KANSL1L: variants seen among roughly 807,000 people sequenced by gnomAD.
KANSL1L encodes KAT8 regulatory NSL complex subunit 1-like protein.
Under a neutral mutation model 108.6 loss-of-function variants are expected in KANSL1L, and 25 were observed. That is an observed-to-expected ratio of 0.23 (90% CI 0.17 to 0.32). The LOEUF is 0.32. Among genes scored for constraint, KANSL1L ranks in the 10% least tolerant of loss-of-function variants. The probability of loss-of-function intolerance (pLI) is 1.00; values close to 1 mark genes in which losing one functional copy is unlikely to be tolerated. For missense variants in KANSL1L, 1,137 were observed against 1,125.7 expected, an observed-to-expected ratio of 1.01 and a Z score of -0.14; for synonymous variants, 405 against 395.1, an observed-to-expected ratio of 1.03 and a Z score of -0.30.
In KANSL1L at chr2:210,150,342, T is replaced by A. The variant is rs573640978; in HGVS notation, c.1088+3153A>T. The stretch of plus-strand genomic sequence containing the variant: ...AGGTACGTTATTTAGTAAAAAAAAA[T>A]TTTTTTTCTATCATTTGAATTTCAC... On this transcript the variant is annotated intron_variant, in intron 2 of 14. Transcript: ENST00000281772. Among the ~76,000 whole-genome samples the A allele has an allele frequency of 7.2e-5, 11 of 152,018 alleles. No individual in the cohort carries two copies. The East Asian group carries it at 9.6e-4, about 13-fold the overall frequency.
At position 210,154,222 on chromosome 2, in the gene KANSL1L, G is replaced by C; in HGVS notation, c.361C>G (p.Leu121Val). The change falls in exon 2 of 15, where the codon CTC (leucine) becomes GTC (valine). Residue 121 changes from leucine to valine, a missense_variant. Physicochemically the swap from Leu to Val is conservative, Grantham distance 32 (BLOSUM62 1). Transcript: ENST00000281772. ...GAATGAGAAAGACAGATTTTACTGA[G>C]CTGAATGTTGCTGCCATTATACAGT... ...NILYNGSNIQ[L>V]SKICLSHSEE... The C allele has an allele frequency of 1.9e-6, 3 of 1,613,998 alleles. No individual in the cohort carries two copies. Among genetic ancestry groups the C allele is most frequent in the Non-Finnish European group, 2.5e-6 (3 of 1,179,996 alleles).
intron 5 of KANSL1L, among the ~76,000 whole-genome samples, chr2:210,086,631 G>A (rs2125368354): frequency 6.6e-6 from 1 of 152,162 alleles, no homozygotes; most frequent in South Asian, 2.1e-4. Context: ...TAAATGCACT[G>A]TGAGGACAGA....
chr2:210,118,547 C>T (rs1215234028), intron 3 of KANSL1L, among the ~76,000 whole-genome samples: 1 of 150,408 alleles, frequency 6.6e-6, no homozygotes, highest in African/African-American at 2.4e-5. Context: ...GATTAAATCA[C>T]TAATAAGTCT....
intron 3 of KANSL1L, among the ~76,000 whole-genome samples, chr2:210,120,568 T>C (rs1377761684): frequency 1.3e-5 from 2 of 151,990 alleles, no homozygotes; most frequent in South Asian, 4.2e-4. Context: ...AGCAATACCA[T>C]CCAGGACATA....
intron 5 of KANSL1L, among the ~76,000 whole-genome samples, chr2:210,076,563 A>T (rs1044993788): frequency 2.0e-5 from 3 of 152,094 alleles, no homozygotes; most frequent in African/African-American, 7.2e-5. Flanking sequence ...ACCCTACTAC[A>T]TTTTAGCATT....
At chr2:210,160,830 C>A (rs971313710) in intron 1 of KANSL1L, among the ~76,000 whole-genome samples, 3 of 151,914 alleles carry the variant, frequency 2.0e-5, no homozygotes, top group African/African-American at 7.3e-5. Context: ...GTTAAAGGAA[C>A]CAGAATAGCC....
chr2:210,027,481 T>G lies in KANSL1L; in HGVS notation c.2397-131A>C. 3 of 619,626 alleles carry G rather than the reference T, an allele frequency of 4.8e-6. No individual in the cohort carries two copies. In the South Asian group the frequency reaches 6.3e-5, roughly 13 times the overall value. The allele number at this position is 619,626 out of a possible 1,614,324, so 38.4% of individuals were successfully genotyped here. On this transcript the variant is annotated intron_variant, in intron 11 of 14. Coordinates refer to ENST00000281772, the MANE Select transcript of KANSL1L (RefSeq NM_152519.4). ...GTTCAAATTGTTGTATTTTAATACTTAATTTTTTAAAAGAAAAACATTTGT... is the reference window on the plus strand; with the variant it reads ...GTTCAAATTGTTGTATTTTAATACTGAATTTTTTAAAAGAAAAACATTTGT...
chr2:210,051,049 G>C (rs1037414208), intron 6 of KANSL1L, among the ~76,000 whole-genome samples: 4 of 152,004 alleles, frequency 2.6e-5, no homozygotes, highest in South Asian at 4.1e-4. Context: ...AGTGTGCATG[G>C]AATGTACATG....
intron 3 of KANSL1L, among the ~76,000 whole-genome samples, chr2:210,126,594 C>CA (rs1259466098): frequency 7.9e-5 from 12 of 152,272 alleles, no homozygotes; most frequent in African/African-American, 2.9e-4. Flanking sequence ...GCAGGCAGAT[C>CA]ACTCTGAGGC....
intron 5 of KANSL1L, among the ~76,000 whole-genome samples, chr2:210,082,810 T>A (rs1156371746): frequency 6.6e-6 from 1 of 152,136 alleles, no homozygotes; most frequent in Non-Finnish European, 1.5e-5. Flanking sequence ...AGAAATAAAC[T>A]CTGAAGAAAA....
Position 210,162,222 on chromosome 2 carries a change from GTATA to G in KANSL1L, c.-29-7615_-29-7612del, listed in dbSNP as rs71043976. ...ATTACCCCCAAATTTAGTGGTTCAG[GTATA>G]TATATATATATATATATGTATATCA... On this transcript the variant is annotated intron_variant, in intron 1 of 14. Coordinates refer to ENST00000281772, the MANE Select transcript of KANSL1L (RefSeq NM_152519.4). 5.2e-4 allele frequency among the ~76,000 whole-genome samples: 56 copies of G among 107,496 alleles called. 1 individual carries two copies. Among genetic ancestry groups the G allele is most frequent in the African/African-American group, 1.6e-3 (45 of 28,356 alleles). The allele number at this position is 107,496 out of a possible 152,430, so 70.5% of individuals were successfully genotyped here. A position where few individuals can be genotyped will look rare whatever the true frequency, so the allele number is the denominator to read the frequency against.
intron 6 of KANSL1L, among the ~76,000 whole-genome samples, chr2:210,063,225 G>A (rs1032035440): frequency 2.0e-5 from 3 of 152,194 alleles, no homozygotes; most frequent in African/African-American, 7.2e-5. Context: ...GAAGTCAAGA[G>A]GTTTGGGACC....
At chr2:210,121,455 T>A (rs1428479427) in intron 3 of KANSL1L, among the ~76,000 whole-genome samples, 2 of 152,050 alleles carry the variant, frequency 1.3e-5, no homozygotes, top group African/African-American at 4.8e-5. Context: ...TGAGAGAACA[T>A]GAACACATAG....
chr2:210,120,350 C>T (rs1011663434), intron 3 of KANSL1L, among the ~76,000 whole-genome samples: 1 of 152,112 alleles, frequency 6.6e-6, no homozygotes, highest in Non-Finnish European at 1.5e-5. Flanking sequence ...GGAGATCACG[C>T]CACTGTACTC....
intron 6 of KANSL1L, among the ~76,000 whole-genome samples, chr2:210,072,109 C>G (rs2094511996): frequency 6.6e-6 from 1 of 152,150 alleles, no homozygotes; most frequent in East Asian, 1.9e-4. Context: ...TTTTTTTTCC[C>G]TTGAAAAGAA....
intron 3 of KANSL1L, among the ~76,000 whole-genome samples, chr2:210,125,370 C>T (rs1216504864): frequency 6.6e-6 from 1 of 152,100 alleles, no homozygotes; most frequent in Non-Finnish European, 1.5e-5. Context: ...GACTTCAATG[C>T]TGAATTCTAC....
At chr2:210,083,852 A>C (rs531962009) in intron 5 of KANSL1L, among the ~76,000 whole-genome samples, 1 of 148,814 alleles carries the variant, frequency 6.7e-6, no homozygotes, top group East Asian at 2.0e-4. Context: ...AAAAAAAAGT[A>C]AGAAACTAAT....
chr2:210,089,209 A>C (rs942701824), intron 5 of KANSL1L: 1 of 152,238 alleles, frequency 6.6e-6, no homozygotes, highest in African/African-American at 2.4e-5. Context: ...TTTGGAACTT[A>C]AGTGGAATCC....
intron 6 of KANSL1L, among the ~76,000 whole-genome samples, chr2:210,064,564 C>T (rs573951120): frequency 1.3e-5 from 2 of 152,082 alleles, no homozygotes; most frequent in African/African-American, 4.8e-5. Context: ...AATCCTAGCA[C>T]TTTGGAAGGC....
Sources: gnomAD v4.1 joint callset for allele counts (sites outside exome capture counted in the v4.1 genomes callset) on GRCh38, gnomAD v4.1.1 for gene constraint, MANE v1.5 for transcripts, NCBI Gene and HGNC (gene_info 2026-07-23, HGNC 2026-07-21) for gene names.